LPXN: variants seen among roughly 807,000 people sequenced by gnomAD.
The protein encoded by LPXN is leupaxin.
A neutral mutation model predicts 45.6 loss-of-function variants in LPXN; 28 were observed. The ratio of observed to expected loss-of-function variants is 0.61; its 90% CI spans 0.45 to 0.84. The LOEUF (loss-of-function observed/expected upper bound fraction) is 0.84, where lower values mean the gene tolerates loss of function less well. Ranked by LOEUF, LPXN falls within the 40% of genes least tolerant of loss-of-function variation. The pLI is 0.00. For missense variants in LPXN, 459 were observed against 475.0 expected, an observed-to-expected ratio of 0.97 and a Z score of 0.31; for synonymous variants, 166 against 169.9, an observed-to-expected ratio of 0.98 and a Z score of 0.18.
chr11:58,546,417 G>C (rs2120293007), intron 7 of LPXN, among the ~76,000 whole-genome samples: 1 of 152,292 alleles, frequency 6.6e-6, no homozygotes, highest in South Asian at 2.1e-4. Context: ...CAGAGATGTT[G>C]GACACCATGA....
intron 3 of LPXN, among the ~76,000 whole-genome samples, chr11:58,555,180 C>T (rs1854166408): frequency 6.6e-6 from 1 of 152,106 alleles, no homozygotes; most frequent in Non-Finnish European, 1.5e-5. Flanking sequence ...TATTATATCT[C>T]CTGTCAGTTT....
At chr11:58,573,300 G>A (rs982418303) in intron 1 of LPXN, among the ~76,000 whole-genome samples, 1 of 150,984 alleles carries the variant, frequency 6.6e-6, no homozygotes, top group Non-Finnish European at 1.5e-5. Context: ...AACTAAGGTA[G>A]AAAAAGAAAG....
intron 1 of LPXN, among the ~76,000 whole-genome samples, 180 bp from the exon 2 acceptor site, chr11:58,570,893 T>C (rs1213345444): frequency 6.6e-6 from 1 of 152,206 alleles, no homozygotes; most frequent in African/African-American, 2.4e-5. Context: ...TACCAAGAAA[T>C]GTTTAACACC....
At chr11:58,533,293 C>T (rs997873335) in intron 7 of LPXN, among the ~76,000 whole-genome samples, 1 of 152,184 alleles carries the variant, frequency 6.6e-6, no homozygotes, top group Non-Finnish European at 1.5e-5. Flanking sequence ...GGGTAACCCA[C>T]AAAGGGAAGC....
chr11:58,563,871 C>T (rs1854451955), intron 3 of LPXN, among the ~76,000 whole-genome samples: 1 of 152,128 alleles, frequency 6.6e-6, no homozygotes. Context: ...ATAGCGTGGA[C>T]AAAACATCTG....
chr11:58,576,988 C>T (rs985328441), upstream of LPXN, among the ~76,000 whole-genome samples: 6 of 152,128 alleles, frequency 3.9e-5, no homozygotes, highest in Non-Finnish European at 1.5e-5. Context: ...AGGGTGGTCT[C>T]CCTATGTTGC....
intron 2 of LPXN, among the ~76,000 whole-genome samples, chr11:58,566,719 C>T (rs1372331107): frequency 6.6e-6 from 1 of 152,168 alleles, no homozygotes; most frequent in East Asian, 1.9e-4. Context: ...CCTTATTTTA[C>T]ATAATTGTAA....
At chr11:58,572,514 C>T (rs1854737554) in intron 1 of LPXN, among the ~76,000 whole-genome samples, 1 of 151,952 alleles carries the variant, frequency 6.6e-6, no homozygotes, top group Non-Finnish European at 1.5e-5. Flanking sequence ...ATTAAATCTA[C>T]TGTAAAAATG....
chr11:58,564,011 A>G, intron 3 of LPXN, 144 bp downstream of exon 3: 2 of 597,116 alleles, frequency 3.3e-6, no homozygotes, highest in Non-Finnish European at 2.9e-6. Context: ...AATTCTACCT[A>G]TGCTCAAAGA....
intron 3 of LPXN, among the ~76,000 whole-genome samples, chr11:58,558,976 TA>T (rs1469418163): frequency 3.3e-5 from 5 of 151,766 alleles, no homozygotes; most frequent in African/African-American, 1.2e-4. Flanking sequence ...TAAAACATAA[TA>T]TTCAAGATTT....
At chr11:58,547,979 GAA>G (rs1378272014) in intron 7 of LPXN, among the ~76,000 whole-genome samples, 1 of 151,702 alleles carries the variant, frequency 6.6e-6, no homozygotes, top group East Asian at 1.9e-4. Flanking sequence ...AGACAATTCA[GAA>G]AACACATGAA....
Position 58,550,104 on chromosome 11 carries a change from C to A in LPXN, c.529G>T (p.Val177Phe), listed in dbSNP as rs996598690. Residue 177 changes from valine (V) to phenylalanine (F), a missense_variant, in exon 6 of 9, where the codon GTC becomes TTC. Coordinates refer to ENST00000395074, the MANE Select transcript of LPXN (RefSeq NM_004811.3). ...LGQSWHPEHFVCTHCKEEIGS... is the reference protein window; with the variant it reads ...LGQSWHPEHFFCTHCKEEIGS... ...ATCTCTTCTTTGCAATGAGTACAGACAAAATGCTCAGGATGCCATGATTGC... is the reference window on the plus strand; with the variant it reads ...ATCTCTTCTTTGCAATGAGTACAGAAAAAATGCTCAGGATGCCATGATTGC... 8.7e-6 allele frequency: 14 copies of A among 1,614,008 alleles called. No homozygotes were observed. In the African/African-American group the frequency reaches 1.7e-4, roughly 20 times the overall value.
rs182864757 is a variant in LPXN at position 58,529,458 on chromosome 11, A to G, written c.743-1267T>C. ...ACCCCGTCTCTACTAAAAATACAAA[A>G]AATTAGCCAGGTGTGGTGGCGAGCG... On this transcript the variant is annotated intron_variant, in intron 7 of 8. Transcript: ENST00000395074. 3.5e-3 allele frequency among the ~76,000 whole-genome samples: 531 copies of G among 152,068 alleles called. 3 individuals are homozygous for G. The highest frequency in any genetic ancestry group is 0.012 in the African/African-American group (501 of 41,478).
chr11:58,569,071 G>C (rs2509920), intron 2 of LPXN, among the ~76,000 whole-genome samples: 73,882 of 151,980 alleles, frequency 0.49, 18,837 homozygotes, highest in African/African-American at 0.65. Context: ...AATTCGTATC[G>C]TTAAAATTGT....
At chr11:58,558,758 A>C (rs1267950506) in intron 3 of LPXN, among the ~76,000 whole-genome samples, 1 of 151,848 alleles carries the variant, frequency 6.6e-6, no homozygotes, top group East Asian at 1.9e-4. Flanking sequence ...GATCCCCAAC[A>C]CACCAAATAC....
At chr11:58,561,038 G>A (rs191873349) in intron 3 of LPXN, among the ~76,000 whole-genome samples, 184 of 152,228 alleles carry the variant, frequency 1.2e-3, no homozygotes, top group Non-Finnish European at 3.8e-4. Context: ...AAAGGTAACT[G>A]ACTGTGGAAT....
chr11:58,534,637 T>C (rs1462360663), intron 7 of LPXN, among the ~76,000 whole-genome samples: 1 of 151,904 alleles, frequency 6.6e-6, no homozygotes, highest in Non-Finnish European at 1.5e-5. Flanking sequence ...GCAAACAAAT[T>C]AAAAAGCTAT....
intron 2 of LPXN, among the ~76,000 whole-genome samples, chr11:58,566,908 T>C (rs1363144753): frequency 6.6e-6 from 1 of 152,168 alleles, no homozygotes; most frequent in African/African-American, 2.4e-5. Context: ...GACAGGAATA[T>C]ACATATAGTC....
At position 58,575,782 on chromosome 11, in the gene LPXN, T is replaced by C. The variant is rs1375891389; in HGVS notation, c.-10A>G. On this transcript the variant is annotated 5_prime_UTR_variant, in exon 1 of 9. It removes an upstream start codon present in the reference 5' UTR. Transcript: ENST00000395074. ...CACCTAACTCTTCCATTGTCCTACA[T>C]CCAAGATGCTCTTGTCTCACAGGCC... is the stretch of plus-strand genomic sequence containing the variant. The C allele has an allele frequency of 1.2e-6, 2 of 1,614,214 alleles. No individual in the cohort carries two copies. Among genetic ancestry groups the C allele is most frequent in the African/African-American group, 2.7e-5 (2 of 75,052 alleles).
Sources: gnomAD v4.1 joint callset for allele counts (sites outside exome capture counted in the v4.1 genomes callset) on GRCh38, gnomAD v4.1.1 for gene constraint, MANE v1.5 for transcripts, NCBI Gene and HGNC (gene_info 2026-07-23, HGNC 2026-07-21) for gene names.